Variants in ETV1 observed in about 807,000 individuals in gnomAD.
ETV1 encodes the protein ETS variant transcription factor 1, also known as ETS translocation variant 1.
Under a neutral mutation model 62.3 loss-of-function variants are expected in ETV1, and 27 were observed. The observed-to-expected ratio is 0.43, with a 90% CI of 0.32 to 0.60. The LOEUF (loss-of-function observed/expected upper bound fraction) is 0.60. Ranked by LOEUF, ETV1 falls within the 20% of genes least tolerant of loss-of-function variation. The probability of loss-of-function intolerance (pLI) is 0.06; values close to 1 mark genes in which losing one functional copy is unlikely to be tolerated. For synonymous variants in ETV1, 222 were observed against 199.6 expected (o/e 1.11, Z -0.94); for missense variants, 605 against 605.8 (o/e 1.00, Z 0.01).
chr7:13,950,984 G>A (rs369022655), intron 6 of ETV1, among the ~76,000 whole-genome samples: 4 of 148,812 alleles, frequency 2.7e-5, no homozygotes, highest in Admixed American at 2.7e-4. Flanking sequence ...TTGAAAAACA[G>A]GTCAGGAGTT....
At position 13,939,878 on chromosome 7, in the gene ETV1, G is replaced by C. The variant is rs536975033; in HGVS notation, c.236-632C>G. Among the ~76,000 whole-genome samples, 4 of 152,292 alleles carry C rather than the reference G, an allele frequency of 2.6e-5. No homozygotes were observed. In the South Asian group the frequency reaches 8.3e-4, roughly 32 times the overall value. The stretch of plus-strand genomic sequence containing the variant: ...TCTGAGAAATATGTAAATGTTGTTT[G>C]TCACATGTAATCTACCATGAAACAA... On this transcript the variant is annotated intron_variant, in intron 6 of 13. Coordinates refer to ENST00000430479, the MANE Select transcript of ETV1 (RefSeq NM_004956.5).
At chr7:13,938,413 T>G (rs1787065077) in intron 7 of ETV1, among the ~76,000 whole-genome samples, 2 of 152,372 alleles carry the variant, frequency 1.3e-5, no homozygotes, top group Non-Finnish European at 2.9e-5. Context: ...GTTTGCAAAC[T>G]AACTTCTTTT....
intron 7 of ETV1, among the ~76,000 whole-genome samples, chr7:13,937,218 A>G (rs1786903694): frequency 6.6e-6 from 1 of 152,232 alleles, no homozygotes; most frequent in South Asian, 2.1e-4. Context: ...TATATGCTGC[A>G]CAAGGCAGCT....
chr7:13,981,060 CT>C (rs1273658544), intron 5 of ETV1, among the ~76,000 whole-genome samples: 2 of 151,732 alleles, frequency 1.3e-5, no homozygotes, highest in Non-Finnish European at 2.9e-5. Flanking sequence ...AGCGAAAACC[CT>C]CCTATTCTTA....
chr7:13,935,118 A>G (rs1786651741), intron 8 of ETV1, among the ~76,000 whole-genome samples: 1 of 152,134 alleles, frequency 6.6e-6, no homozygotes, highest in Non-Finnish European at 1.5e-5. Flanking sequence ...GATCTATGCT[A>G]TGCTTCTTGC....
Position 13,931,742 on chromosome 7 carries a change from G to A in ETV1, c.562C>T (p.Arg188Cys), listed in dbSNP as rs755892534. ...SSYPMDHRFR[R>C]QLSEPCNSFP... Reference sequence around the variant, plus strand: ...GAGTTACAGGGTTCAGAAAGCTGGCGGCGAAATCTAGGGAATAAGAGAGTG... The same window carrying A: ...GAGTTACAGGGTTCAGAAAGCTGGCAGCGAAATCTAGGGAATAAGAGAGTG... The change falls in exon 9 of 14, where the codon CGC (arginine) becomes TGC (cysteine). Residue 188 changes from arginine (R) to cysteine (C), a missense_variant. By Grantham distance (180) the Arg-to-Cys change is radical (BLOSUM62 -3). Around this residue, in one of 3 missense-constraint regions of ETV1, gnomAD observed 426 missense variants for 377.8 expected, o/e 1.13. Transcript: ENST00000430479. 1.9e-6 allele frequency: 3 copies of A among 1,613,886 alleles called. No homozygotes were observed. Among genetic ancestry groups the A allele is most frequent in the South Asian group, 1.1e-5 (1 of 91,058 alleles).
intron 5 of ETV1, among the ~76,000 whole-genome samples, chr7:13,984,192 G>A (rs978468809): frequency 6.6e-6 from 1 of 151,918 alleles, no homozygotes; most frequent in African/African-American, 2.4e-5. Context: ...CGAGAAACTT[G>A]ATTAACTGCC....
chr7:13,988,617 T>TTA, intron 3 of ETV1: 2 of 1,164,766 alleles, frequency 1.7e-6, no homozygotes, highest in Non-Finnish European at 2.1e-6. Flanking sequence ...AAAGAGAAAA[T>TTA]GAGAAAAAAA....
chr7:13,920,441 AGTGTGTGTGT>A (rs4027263), intron 9 of ETV1, among the ~76,000 whole-genome samples: 1 of 148,428 alleles, frequency 6.7e-6, no homozygotes, highest in South Asian at 2.2e-4. Flanking sequence ...AGAGTGAGTG[AGTGTGTGTGT>A]GTGTGTGTGT....
At chr7:13,974,088 TA>T (rs1781168557) in intron 6 of ETV1, among the ~76,000 whole-genome samples, 1 of 152,106 alleles carries the variant, frequency 6.6e-6, no homozygotes, top group South Asian at 2.1e-4. Context: ...ACAATAAATA[TA>T]ATATACAAGA....
At chr7:13,918,519 G>A (rs1198671353) in intron 9 of ETV1, among the ~76,000 whole-genome samples, 1 of 151,978 alleles carries the variant, frequency 6.6e-6, no homozygotes, top group African/African-American at 2.4e-5. Context: ...AGAAAATGTG[G>A]CACATATACA....
At chr7:13,952,290 A>G (rs1282881147) in intron 6 of ETV1, among the ~76,000 whole-genome samples, 1 of 152,174 alleles carries the variant, frequency 6.6e-6, no homozygotes, top group African/African-American at 2.4e-5. Flanking sequence ...ATAGCTCTAA[A>G]ATGTAATGCC....
At chr7:13,958,594 T>C (rs773964666) in intron 6 of ETV1, among the ~76,000 whole-genome samples, 6 of 152,290 alleles carry the variant, frequency 3.9e-5, no homozygotes, top group Non-Finnish European at 7.4e-5. Context: ...TGTTTGTTAC[T>C]ATGGGCAAAC....
At chr7:13,940,229 G>C (rs1403968045) in intron 6 of ETV1, among the ~76,000 whole-genome samples, 1 of 151,986 alleles carries the variant, frequency 6.6e-6, no homozygotes, top group Non-Finnish European at 1.5e-5. Context: ...CGGTATGATG[G>C]CAGGTGCTTG....
chr7:13,911,519 A>T (rs1421274750), intron 9 of ETV1, among the ~76,000 whole-genome samples: 5 of 152,210 alleles, frequency 3.3e-5, no homozygotes, highest in Non-Finnish European at 7.3e-5. Context: ...TCTCTTGAAT[A>T]GGAAGGTGAA....
intron 13 of ETV1, among the ~76,000 whole-genome samples, chr7:13,896,690 A>AG (rs1291909995): frequency 1.6e-5 from 1 of 61,064 alleles, no homozygotes; most frequent in African/African-American, 7.6e-5. Context: ...AAAGAAAGAA[A>AG]AGAGAGAGAG....
intron 9 of ETV1, among the ~76,000 whole-genome samples, chr7:13,920,174 A>G (rs1383770487): frequency 6.6e-6 from 1 of 152,146 alleles, no homozygotes; most frequent in African/African-American, 2.4e-5. Context: ...TGTAAAATCC[A>G]AGTTAGACAA....
chr7:13,964,753 A>G (rs1790586068), intron 6 of ETV1, among the ~76,000 whole-genome samples: 2 of 151,810 alleles, frequency 1.3e-5, no homozygotes, highest in Admixed American at 1.3e-4. Context: ...AGTATCTTAT[A>G]GTGAATCTGA....
At chr7:13,914,758 A>C (rs554941042) in intron 9 of ETV1, among the ~76,000 whole-genome samples, 1 of 152,188 alleles carries the variant, frequency 6.6e-6, no homozygotes, top group Non-Finnish European at 1.5e-5. Context: ...TGCACATTTA[A>C]AATTGCTAGG....
Sources: gnomAD v4.1 joint callset for allele counts (sites outside exome capture counted in the v4.1 genomes callset) on GRCh38, gnomAD v4.1.1 for gene constraint, gnomAD v4.1.1 regional missense constraint, MANE v1.5 for transcripts, NCBI Gene and HGNC (gene_info 2026-07-23, HGNC 2026-07-21) for gene names.